The following WNT3 variants were observed in gnomAD, a reference collection of about 807,000 sequenced individuals.
WNT3 encodes the protein proto-oncogene Wnt-3.
In WNT3, 7 loss-of-function variants were observed where a neutral mutation model predicts 34.2. That is an observed-to-expected ratio of 0.20 (90% CI 0.12 to 0.38). WNT3 has a LOEUF of 0.38. Among genes scored for constraint, WNT3 ranks in the 10% least tolerant of loss-of-function variants. The pLI, the probability that WNT3 is intolerant of heterozygous loss-of-function variation, is 1.00. For missense variants in WNT3, 267 were observed against 499.8 expected (o/e 0.53, Z 4.44); for synonymous variants, 212 against 211.5 (o/e 1.00, Z -0.02).
intron 1 of WNT3, among the ~76,000 whole-genome samples, chr17:46,806,973 C>T (rs966459889): frequency 1.3e-5 from 2 of 152,120 alleles, no homozygotes; most frequent in African/African-American, 2.4e-5. Flanking sequence ...ATAGCACCGT[C>T]GGCTTCCAAG....
intron 1 of WNT3, among the ~76,000 whole-genome samples, chr17:46,776,209 A>G (rs898882233): frequency 6.6e-6 from 1 of 152,136 alleles, no homozygotes; most frequent in African/African-American, 2.4e-5. Flanking sequence ...CTGGGTCTTC[A>G]TGGGGTGAAG....
At chr17:46,783,336 T>C (rs2059477893) in intron 1 of WNT3, among the ~76,000 whole-genome samples, 1 of 152,220 alleles carries the variant, frequency 6.6e-6, no homozygotes, top group African/African-American at 2.4e-5. Flanking sequence ...GTGCCTGTCC[T>C]TCAGAGAGCA....
chr17:46,779,540 G>T (rs755852882), intron 1 of WNT3, among the ~76,000 whole-genome samples: 57 of 152,242 alleles, frequency 3.7e-4, no homozygotes, highest in Non-Finnish European at 7.5e-4. Flanking sequence ...CAGCCAGGCG[G>T]ATGGGCTGCG....
intron 1 of WNT3, among the ~76,000 whole-genome samples, chr17:46,788,919 CCA>C (rs1379614712): frequency 6.6e-6 from 1 of 151,974 alleles, no homozygotes; most frequent in Non-Finnish European, 1.5e-5. Flanking sequence ...GCTGCTAGCT[CCA>C]CAGTTTGGGA....
intron 4 of WNT3, among the ~76,000 whole-genome samples, chr17:46,765,987 G>A (rs1462220030): frequency 6.6e-6 from 1 of 152,200 alleles, no homozygotes; most frequent in Non-Finnish European, 1.5e-5. Context: ...CACAGAGAAG[G>A]GGTTCCGGGT....
intron 1 of WNT3, among the ~76,000 whole-genome samples, chr17:46,812,680 GA>G (rs1236292577): frequency 6.6e-6 from 1 of 152,120 alleles, no homozygotes; most frequent in Non-Finnish European, 1.5e-5. Context: ...CTCAACTTAA[GA>G]ATAAAGCTAA....
chr17:46,790,927 C>T (rs937407715), intron 1 of WNT3, among the ~76,000 whole-genome samples: 5 of 152,228 alleles, frequency 3.3e-5, no homozygotes, highest in Non-Finnish European at 5.9e-5. Context: ...CCTCCTGCAG[C>T]CTCATGCGTC....
In WNT3 at chr17:46,763,971, T is replaced by C. The variant is rs538608202; in HGVS notation, c.*659A>G. 2.6e-5 allele frequency: 4 copies of C among 151,970 alleles called. No homozygotes were observed. Among genetic ancestry groups the C allele is most frequent in the Non-Finnish European group, 5.9e-5 (4 of 68,006 alleles). 9.4% of individuals were successfully genotyped at this position (151,970 alleles called of 1,614,324 possible). ...AGAAAATGAGACTGAGAAGAACACATGGCTGCTCTTCAAACGGCTGACCAG... is the reference window on the plus strand; with the variant it reads ...AGAAAATGAGACTGAGAAGAACACACGGCTGCTCTTCAAACGGCTGACCAG... On this transcript the variant is annotated 3_prime_UTR_variant, in exon 5 of 5. Coordinates refer to ENST00000225512, the MANE Select transcript of WNT3 (RefSeq NM_030753.5).
chr17:46,805,055 C>T (rs574617864), intron 1 of WNT3, among the ~76,000 whole-genome samples: 110 of 152,090 alleles, frequency 7.2e-4, no homozygotes, highest in African/African-American at 2.5e-3. Flanking sequence ...TAACACTCAC[C>T]GCAAAGGTAC....
chr17:46,802,116 G>A (rs1184541754), intron 1 of WNT3, among the ~76,000 whole-genome samples: 1 of 152,108 alleles, frequency 6.6e-6, no homozygotes, highest in Non-Finnish European at 1.5e-5. Flanking sequence ...GTTTCCCAGC[G>A]TACAACTCCT....
At chr17:46,785,458 G>A (rs191290372) in intron 1 of WNT3, among the ~76,000 whole-genome samples, 295 of 152,318 alleles carry the variant, frequency 1.9e-3, no homozygotes, top group Non-Finnish European at 3.6e-3. Context: ...AGATAACCAA[G>A]GAAAAAGCTA....
At chr17:46,806,501 G>T (rs1002490409) in intron 1 of WNT3, among the ~76,000 whole-genome samples, 1 of 152,178 alleles carries the variant, frequency 6.6e-6, no homozygotes, top group Non-Finnish European at 1.5e-5. Context: ...GAGCCACCGC[G>T]CCCAGCTGAG....
chr17:46,768,796 T>C lies in WNT3; in HGVS notation c.592A>G (p.Ile198Val), dbSNP rs772208937. The C allele has an allele frequency of 6.2e-7, 1 of 1,613,330 alleles. No individual in the cohort carries two copies. Among genetic ancestry groups the C allele is most frequent in the Non-Finnish European group, 8.5e-7 (1 of 1,179,816 alleles). The change falls in exon 4 of 5, where the codon ATC becomes GTC. Residue 198 changes from isoleucine to valine, a missense_variant. Transcript: ENST00000225512. This position sits in a 1 kb window ranked among gnomAD's most constrained non-coding sequence, Gnocchi z 5.0. ...CATTTGAGGTGCATGTGGTCCAGGA[T>C]AGTCTGGGGGAGAGAAGTGGCAGCT... ...KHNNEAGRTT[I>V]LDHMHLKCKC...
intron 1 of WNT3, among the ~76,000 whole-genome samples, chr17:46,801,551 C>T (rs963145035): frequency 2.0e-5 from 3 of 152,060 alleles, no homozygotes; most frequent in Non-Finnish European, 1.5e-5. Context: ...ACCTGGGAGG[C>T]GGAGGCTGCA....
intron 1 of WNT3, among the ~76,000 whole-genome samples, chr17:46,796,142 C>A (rs886572102): frequency 1.1e-4 from 17 of 152,194 alleles, no homozygotes; most frequent in African/African-American, 4.1e-4. Flanking sequence ...ATTGCTACCA[C>A]CCATTACCAC....
In WNT3 at chr17:46,763,855, CAAA is replaced by C. The variant is rs111602106; in HGVS notation, c.*772_*774del. 1.5e-5 allele frequency: 2 copies of C among 130,064 alleles called. No individual in the cohort carries two copies. The highest frequency in any genetic ancestry group is 3.4e-5 in the Non-Finnish European group (2 of 58,856). The allele number at this position is 130,064 out of a possible 1,614,324, so 8.1% of individuals were successfully genotyped here. The stretch of plus-strand genomic sequence containing the variant: ...CCAAAAAAAAAAAAAAACAAAAAAA[CAAA>C]AAAAAAACTGCATTGACGGTGGAAA... On this transcript the variant is annotated 3_prime_UTR_variant, in exon 5 of 5. Transcript: ENST00000225512.
At chr17:46,818,425 A>G in intron 1 of WNT3, 93 bp downstream of exon 1, 1 of 1,287,942 alleles carries the variant, frequency 7.8e-7, no homozygotes, top group Non-Finnish European at 1.1e-6. Context: ...GAGGAGCCCC[A>G]GCCCTGCAGC....
At chr17:46,811,377 G>A (rs941570288) in intron 1 of WNT3, among the ~76,000 whole-genome samples, 1 of 152,324 alleles carries the variant, frequency 6.6e-6, no homozygotes, top group African/African-American at 2.4e-5. Context: ...TGCACCCAGC[G>A]GCATTGGGGT....
At chr17:46,784,688 G>C (rs138008913) in intron 1 of WNT3, among the ~76,000 whole-genome samples, 1 of 152,016 alleles carries the variant, frequency 6.6e-6, no homozygotes, top group African/African-American at 2.4e-5. Context: ...TATTCCGGAC[G>C]AGGTCCCCAC....
Sources: gnomAD v4.1 joint callset for allele counts (sites outside exome capture counted in the v4.1 genomes callset) on GRCh38, gnomAD v4.1.1 for gene constraint, Gnocchi (gnomAD v3.1) non-coding constraint, MANE v1.5 for transcripts, NCBI Gene and HGNC (gene_info 2026-07-23, HGNC 2026-07-21) for gene names.